SNF8: variants seen among roughly 807,000 people sequenced by gnomAD.
SNF8 encodes the protein SNF8 subunit of ESCRT-II, also known as vacuolar-sorting protein SNF8.
SNF8 carries 19 observed loss-of-function variants against 36.8 expected under a neutral mutation model. The observed-to-expected ratio is 0.52, with a 90% CI of 0.36 to 0.76. The LOEUF (loss-of-function observed/expected upper bound fraction) is 0.76. Ranked by LOEUF, SNF8 falls within the 30% of genes least tolerant of loss-of-function variation. The probability of loss-of-function intolerance (pLI) is 0.00; values close to 1 mark genes in which losing one functional copy is unlikely to be tolerated. For missense variants in SNF8, 268 were observed against 322.9 expected (o/e 0.83, Z 1.30); for synonymous variants, 127 against 127.4 (o/e 1.00, Z 0.02).
intron 5 of SNF8, among the ~76,000 whole-genome samples, chr17:48,935,306 G>A (rs2040918178): frequency 6.6e-6 from 1 of 152,082 alleles, no homozygotes; most frequent in African/African-American, 2.4e-5. Flanking sequence ...GAGGTCAGGA[G>A]ATCGAGACCA....
chr17:48,933,396 C>T, intron 5 of SNF8, 50 bp from the exon 6 acceptor site: 3 of 1,607,760 alleles, frequency 1.9e-6, no homozygotes, highest in Non-Finnish European at 2.6e-6. Flanking sequence ...TCAGACCTAA[C>T]AACACAGTTT....
rs1203927720 is a variant in SNF8, at chr17:48,929,772, T to C, written c.*703A>G. On this transcript the variant is annotated 3_prime_UTR_variant, in exon 8 of 8. Coordinates refer to ENST00000502492, the MANE Select transcript of SNF8 (RefSeq NM_007241.4). ...TGAAGGCTGCCTACTTGGTGAAATT[T>C]AAGTGAGCTGTATGTAAAATGGCAC... 1 of 152,180 alleles carries C rather than the reference T, an allele frequency of 6.6e-6. No homozygotes were observed. Among genetic ancestry groups the C allele is most frequent in the Non-Finnish European group, 1.5e-5 (1 of 68,042 alleles). The allele number at this position is 152,180 out of a possible 1,614,324, so 9.4% of individuals were successfully genotyped here. A position where few individuals can be genotyped will look rare whatever the true frequency, so the allele number is the denominator to read the frequency against.
Position 48,944,794 on chromosome 17 carries a change from C to A in SNF8, c.-60G>T. The A allele has an allele frequency of 1.3e-6, 2 of 1,503,206 alleles. No homozygotes were observed. Among genetic ancestry groups the A allele is most frequent in the Non-Finnish European group, 1.8e-6 (2 of 1,136,244 alleles). The allele number at this position is 1,503,206 out of a possible 1,614,324, so 93.1% of individuals were successfully genotyped here. A position where few individuals can be genotyped will look rare whatever the true frequency, so the allele number is the denominator to read the frequency against. On this transcript the variant is annotated 5_prime_UTR_variant, in exon 1 of 8. Coordinates refer to ENST00000502492, the MANE Select transcript of SNF8 (RefSeq NM_007241.4). ...GGACCCCGGGTCTCCACGTCCCGGACTCCGCCGCCGGCTCCCCAAGGCGGA... is the reference window on the plus strand; with the variant it reads ...GGACCCCGGGTCTCCACGTCCCGGAATCCGCCGCCGGCTCCCCAAGGCGGA...
At chr17:48,932,842 G>A (rs1321300144) in intron 6 of SNF8, 1 of 181,612 alleles carries the variant, frequency 5.5e-6, no homozygotes, top group Admixed American at 5.9e-5. Flanking sequence ...ATGGGGGCAT[G>A]GCAAACAAGA....
intron 6 of SNF8, 128 bp downstream of exon 6, chr17:48,933,077 G>A: frequency 1.0e-6 from 1 of 957,412 alleles, no homozygotes; most frequent in Non-Finnish European, 1.6e-6. Flanking sequence ...GCACAGGCCT[G>A]AGTAGTTCAT....
intron 2 of SNF8, among the ~76,000 whole-genome samples, chr17:48,942,106 A>G (rs553964967): frequency 3.4e-4 from 52 of 152,230 alleles, no homozygotes; most frequent in African/African-American, 1.3e-3. Context: ...GCCAGATTCC[A>G]TTTCATGTTA....
intron 5 of SNF8, chr17:48,935,874 C>T: frequency 3.7e-6 from 1 of 273,708 alleles, no homozygotes; most frequent in Non-Finnish European, 7.0e-6. Flanking sequence ...GCCTATAATC[C>T]CAACTACTTG....
At chr17:48,938,496 C>CAAAAAAA (rs11339083) in intron 3 of SNF8, among the ~76,000 whole-genome samples, 1 of 114,002 alleles carries the variant, frequency 8.8e-6, no homozygotes, top group Non-Finnish European at 1.7e-5. Context: ...AACTCCATCT[C>CAAAAAAA]AAAAAAAAAA....
intron 3 of SNF8, 24 bp from the exon 4 acceptor site, chr17:48,937,148 T>G: frequency 6.5e-7 from 1 of 1,529,802 alleles, no homozygotes. Context: ...AAACAAAATC[T>G]CGGTTATTGA....
rs1458470956 is a variant in SNF8 at position 48,936,242 on chromosome 17, C to T, written c.350G>A (p.Gly117Asp). 4 of 1,612,804 alleles carry T rather than the reference C, an allele frequency of 2.5e-6. No individual in the cohort carries two copies. Among genetic ancestry groups the T allele is most frequent in the African/African-American group, 1.3e-5 (1 of 74,898 alleles). ...VCLALKHRNGGLITLEELHQQ... is the reference protein window; with the variant it reads ...VCLALKHRNGDLITLEELHQQ... The stretch of plus-strand genomic sequence containing the variant: ...ATGTAGTTCCTCCAAAGTTATCAGA[C>T]CTGTTTGGAGACAGGGAACAGAAAT... The change falls in exon 5 of 8, where the codon GGT becomes GAT. Residue 117 changes from glycine (G) to aspartate (D), a missense_variant and splice_region_variant. Physicochemically the swap from Gly to Asp is moderately conservative, Grantham distance 94. Transcript: ENST00000502492.
At chr17:48,936,899 C>CT in intron 4 of SNF8, 121 bp downstream of exon 4, 1 of 754,750 alleles carries the variant, frequency 1.3e-6, no homozygotes, top group Non-Finnish European at 2.3e-6. Context: ...CATGAAACAG[C>CT]TAAGATGTCT....
intron 5 of SNF8, 22 bp downstream of exon 5, chr17:48,936,148 G>T (rs747005146): frequency 6.3e-7 from 1 of 1,583,728 alleles, no homozygotes; most frequent in Non-Finnish European, 8.7e-7. Flanking sequence ...TGTACTCCAA[G>T]GGATTGGAAG....
At chr17:48,940,837 G>T in intron 3 of SNF8, 87 bp downstream of exon 3, 1 of 1,459,368 alleles carries the variant, frequency 6.9e-7, no homozygotes, top group Non-Finnish European at 9.4e-7. Context: ...TCTAGTGGAT[G>T]CCCCAACAGT....
At chr17:48,931,544 A>C (rs2040859197) in intron 7 of SNF8, 99 bp downstream of exon 7, 2 of 969,874 alleles carry the variant, frequency 2.1e-6, no homozygotes, top group Non-Finnish European at 3.1e-6. Context: ...TCAAGGCAGA[A>C]GGCCAGCAAA....
intron 2 of SNF8, 70 bp downstream of exon 2, chr17:48,943,855 C>T (rs371276966): frequency 1.6e-5 from 21 of 1,344,456 alleles, no homozygotes; most frequent in African/African-American, 1.4e-4. Flanking sequence ...CAATCAAGTT[C>T]GTATCCAAGG....
At chr17:48,940,545 C>G (rs1188040375) in intron 3 of SNF8, among the ~76,000 whole-genome samples, 1 of 151,886 alleles carries the variant, frequency 6.6e-6, no homozygotes, top group African/African-American at 2.4e-5. Flanking sequence ...AATCCCAGCA[C>G]TTTGGGAGGC....
At chr17:48,936,373 C>A in intron 4 of SNF8, 131 bp from the exon 5 acceptor site, 1 of 658,294 alleles carries the variant, frequency 1.5e-6, no homozygotes, top group Non-Finnish European at 2.7e-6. Flanking sequence ...TTAACACTCT[C>A]CTTATGAAAT....
rs1567782372 is a variant in SNF8, at chr17:48,929,847, G to A, written c.*628C>T. On this transcript the variant is annotated 3_prime_UTR_variant, in exon 8 of 8. Coordinates refer to ENST00000502492, the MANE Select transcript of SNF8 (RefSeq NM_007241.4). ...CCCTTTCCCACTACTGAGGCTAGAGGGACCTGGCAATCACTACAGGAGGGT... is the reference window on the plus strand; with the variant it reads ...CCCTTTCCCACTACTGAGGCTAGAGAGACCTGGCAATCACTACAGGAGGGT... 6.6e-6 allele frequency: 1 copy of A among 152,132 alleles called. No individual in the cohort carries two copies. Among genetic ancestry groups the A allele is most frequent in the Admixed American group, 6.5e-5 (1 of 15,270 alleles). 9.4% of individuals were successfully genotyped at this position (152,132 alleles called of 1,614,324 possible).
rs1216390107 is a variant in SNF8 at position 48,930,248 on chromosome 17, TA to T, written c.*226del. 5.2e-6 allele frequency: 2 copies of T among 386,132 alleles called. No homozygotes were observed. The highest frequency in any genetic ancestry group is 4.1e-5 in the African/African-American group (2 of 49,096). 23.9% of individuals were successfully genotyped at this position (386,132 alleles called of 1,614,324 possible). A position where few individuals can be genotyped will look rare whatever the true frequency, so the allele number is the denominator to read the frequency against. ...TGCAGATGACCTACAAAAATCATTT[TA>T]TATGTGCTTGCCGTTCTCTGTGTTA... On this transcript the variant is annotated 3_prime_UTR_variant, in exon 8 of 8. Coordinates refer to ENST00000502492, the MANE Select transcript of SNF8 (RefSeq NM_007241.4).
Sources: allele counts gnomAD v4.1 joint callset (sites outside exome capture counted in the v4.1 genomes callset), GRCh38; gene constraint gnomAD v4.1.1; transcripts MANE v1.5; gene names NCBI Gene and HGNC (gene_info 2026-07-23, HGNC 2026-07-21).